Variants in CHMP3 observed in about 807,000 individuals in gnomAD.
CHMP3 encodes 25.1 protein.
CHMP3 carries 8 observed loss-of-function variants against 27.4 expected under a neutral mutation model. That is an observed-to-expected ratio of 0.29 (90% CI 0.17 to 0.53). CHMP3 has a LOEUF of 0.53. Ranked by LOEUF, CHMP3 falls within the 20% of genes least tolerant of loss-of-function variation. The probability of loss-of-function intolerance (pLI) is 0.96; values close to 1 mark genes in which losing one functional copy is unlikely to be tolerated. For synonymous variants in CHMP3, 86 were observed against 85.5 expected (o/e 1.01, Z -0.03); for missense variants, 208 against 271.5 (o/e 0.77, Z 1.64).
At chr2:86,543,069 CTCCT>C (rs1480852681) in intron 1 of CHMP3, among the ~76,000 whole-genome samples, 4 of 152,172 alleles carry the variant, frequency 2.6e-5, no homozygotes, top group African/African-American at 9.7e-5. Context: ...TATAACTAAA[CTCCT>C]TCCATTACCA....
At chr2:86,537,689 T>C (rs1480418101) in intron 2 of CHMP3, among the ~76,000 whole-genome samples, 2 of 152,174 alleles carry the variant, frequency 1.3e-5, no homozygotes, top group Admixed American at 6.5e-5. Context: ...GTAGTAAAGA[T>C]CAGCACAAGG....
intron 1 of CHMP3, 87 bp downstream of exon 1, chr2:86,563,217 G>T: frequency 1.3e-6 from 2 of 1,497,270 alleles, no homozygotes; most frequent in Non-Finnish European, 1.8e-6. Context: ...CGGGCAGGCG[G>T]TGGGGAGAAG....
chr2:86,526,429 T>C (rs1479740138), intron 3 of CHMP3, among the ~76,000 whole-genome samples: 1 of 152,212 alleles, frequency 6.6e-6, no homozygotes, highest in Non-Finnish European at 1.5e-5. Context: ...GAACTGCTGC[T>C]GGAAATATAA....
chr2:86,533,594 G>A (rs1310469851), intron 2 of CHMP3, among the ~76,000 whole-genome samples: 1 of 151,864 alleles, frequency 6.6e-6, no homozygotes, highest in Non-Finnish European at 1.5e-5. Flanking sequence ...TGTAACTTCT[G>A]CCTCTGGGTT....
intron 3 of CHMP3, among the ~76,000 whole-genome samples, chr2:86,519,707 A>C (rs751261505): frequency 6.6e-6 from 1 of 152,246 alleles, no homozygotes; most frequent in African/African-American, 2.4e-5. Flanking sequence ...CACTCCCTTT[A>C]AAAATTTCAT....
At chr2:86,545,785 G>A (rs1573290014) in intron 1 of CHMP3, among the ~76,000 whole-genome samples, 1 of 149,610 alleles carries the variant, frequency 6.7e-6, no homozygotes, top group East Asian at 2.0e-4. Context: ...GCCGGGCAGA[G>A]GCGCTCCTCA....
intron 1 of CHMP3, chr2:86,542,729 A>AAT (rs1452568527): frequency 6.4e-6 from 1 of 155,372 alleles, no homozygotes; most frequent in East Asian, 1.9e-4. Flanking sequence ...TCCCTTTAAA[A>AAT]ATAATGCTTT....
chr2:86,518,157 T>G (rs1379022950), intron 3 of CHMP3, among the ~76,000 whole-genome samples: 1 of 152,088 alleles, frequency 6.6e-6, no homozygotes, highest in Admixed American at 6.5e-5. Flanking sequence ...AAATGAAAGC[T>G]CAGAGAAGGG....
intron 5 of CHMP3, 111 bp from the exon 6 acceptor site, chr2:86,506,060 T>A (rs1243550128): frequency 7.8e-7 from 1 of 1,275,920 alleles, no homozygotes; most frequent in African/African-American, 1.5e-5. Flanking sequence ...AATGAGACAG[T>A]ACAGCAAGCT....
At chr2:86,553,204 G>GA (rs748370975) in intron 1 of CHMP3, among the ~76,000 whole-genome samples, 76 of 126,874 alleles carry the variant, frequency 6.0e-4, no homozygotes, top group Admixed American at 6.3e-4. Flanking sequence ...AAAGTTGGAG[G>GA]AAAAAAAAAA....
At chr2:86,542,347 A>C (rs757442404) in intron 1 of CHMP3, 35 bp from the exon 2 acceptor site, 3 of 1,586,918 alleles carry the variant, frequency 1.9e-6, no homozygotes, top group South Asian at 1.1e-5. Context: ...TGAGGAGAAA[A>C]GCCGAAACTC....
intron 3 of CHMP3, chr2:86,527,284 T>C (rs1675751594): frequency 6.6e-6 from 1 of 151,634 alleles, no homozygotes. Context: ...TTCTGTATAA[T>C]AGGTACATAA....
At chr2:86,560,598 C>T (rs2104070141) in intron 1 of CHMP3, among the ~76,000 whole-genome samples, 1 of 151,938 alleles carries the variant, frequency 6.6e-6, no homozygotes, top group East Asian at 1.9e-4. Context: ...AGCAAAAATA[C>T]CTAATGTAGG....
chr2:86,562,096 CTGAG>C (rs1267411934), intron 1 of CHMP3: 2 of 152,218 alleles, frequency 1.3e-5, no homozygotes, highest in Non-Finnish European at 2.9e-5. Flanking sequence ...AGGAGCAAAA[CTGAG>C]TAAGTTTCCT....
intron 3 of CHMP3, chr2:86,511,914 A>C (rs971101661): frequency 6.6e-6 from 1 of 152,218 alleles, no homozygotes; most frequent in Non-Finnish European, 1.5e-5. Flanking sequence ...GTATTCTGAA[A>C]AAGGTATAAA....
chr2:86,510,064 C>A (rs781470146), intron 4 of CHMP3, among the ~76,000 whole-genome samples: 2 of 152,142 alleles, frequency 1.3e-5, no homozygotes, highest in Non-Finnish European at 1.5e-5. Flanking sequence ...CTATGTTGGA[C>A]CCTGCAAACT....
intron 3 of CHMP3, among the ~76,000 whole-genome samples, chr2:86,514,039 T>G (rs771002246): frequency 2.6e-5 from 4 of 152,214 alleles, no homozygotes; most frequent in Admixed American, 6.5e-5. Flanking sequence ...AAATATAAAG[T>G]GCTACTGCTG....
chr2:86,545,621 G>T (rs1676554769), intron 1 of CHMP3, among the ~76,000 whole-genome samples: 1 of 149,286 alleles, frequency 6.7e-6, no homozygotes, highest in Non-Finnish European at 1.5e-5. Context: ...TCTCAGATGG[G>T]GTGGCCGGGC....
At chr2:86,539,632 G>A (rs770080419) in intron 2 of CHMP3, among the ~76,000 whole-genome samples, 2 of 151,960 alleles carry the variant, frequency 1.3e-5, no homozygotes, top group Non-Finnish European at 2.9e-5. Flanking sequence ...AACTTATGAA[G>A]TTTCTAACAT....
Sources: gnomAD v4.1 joint callset for allele counts (sites outside exome capture counted in the v4.1 genomes callset) on GRCh38, gnomAD v4.1.1 for gene constraint, MANE v1.5 for transcripts, NCBI Gene and HGNC (gene_info 2026-07-23, HGNC 2026-07-21) for gene names.